SLC44A5: variants seen among roughly 807,000 people sequenced by gnomAD.
SLC44A5 encodes the protein choline transporter-like protein 5.
SLC44A5 carries 57 observed loss-of-function variants against 101.8 expected under a neutral mutation model. The observed-to-expected ratio is 0.56, with a 90% CI of 0.45 to 0.70. SLC44A5 has a LOEUF of 0.70. Ranked by LOEUF, SLC44A5 falls within the 30% of genes least tolerant of loss-of-function variation. The probability of loss-of-function intolerance (pLI) is 0.00; values close to 1 mark genes in which losing one functional copy is unlikely to be tolerated. For synonymous variants in SLC44A5, 281 were observed against 290.9 expected, an observed-to-expected ratio of 0.97 and a Z score of 0.35; for missense variants, 737 against 853.1, an observed-to-expected ratio of 0.86 and a Z score of 1.70.
chr1:75,208,438 C>A (rs1339679840), intron 23 of SLC44A5, among the ~76,000 whole-genome samples: 1 of 152,052 alleles, frequency 6.6e-6, no homozygotes. Context: ...GGATTACAGG[C>A]GTGAGCCACC....
chr1:75,378,054 T>C (rs1324593738), intron 3 of SLC44A5, among the ~76,000 whole-genome samples: 1 of 78,988 alleles, frequency 1.3e-5, no homozygotes, highest in Non-Finnish European at 2.2e-5. Context: ...CACCCCTACA[T>C]CTGGTGCCCA....
chr1:75,504,726 C>T (rs1295776977), intron 2 of SLC44A5, among the ~76,000 whole-genome samples: 3 of 152,110 alleles, frequency 2.0e-5, no homozygotes, highest in Non-Finnish European at 2.9e-5. Flanking sequence ...CATTAAAGTT[C>T]TAAATTAGGG....
intron 8 of SLC44A5, 111 bp from the exon 9 acceptor site, chr1:75,242,172 C>T (rs1648692479): frequency 1.5e-6 from 1 of 686,392 alleles, no homozygotes; most frequent in Admixed American, 2.6e-5. Context: ...CTCCTTATTT[C>T]AAATTACTTC....
chr1:75,263,293 A>G (rs1301887670), intron 6 of SLC44A5, among the ~76,000 whole-genome samples: 2 of 152,218 alleles, frequency 1.3e-5, no homozygotes, highest in African/African-American at 2.4e-5. Context: ...AGATAAAAAC[A>G]AACAACACCA....
intron 3 of SLC44A5, among the ~76,000 whole-genome samples, chr1:75,383,383 T>C (rs1363507791): frequency 6.6e-6 from 1 of 150,940 alleles, no homozygotes; most frequent in Non-Finnish European, 1.5e-5. Flanking sequence ...TGTCTCTGTG[T>C]CTTTTTCTTT....
chr1:75,642,111 A>G, the SLC44A5 span: 1 of 1,100,970 alleles, frequency 9.1e-7, no homozygotes, highest in Non-Finnish European at 1.3e-6. Context: ...TGATGTAGAT[A>G]TAATTGAAGT....
chr1:75,681,762 A>G, the SLC44A5 span, among the ~76,000 whole-genome samples: 1 of 150,650 alleles, frequency 6.6e-6, no homozygotes, highest in African/African-American at 2.4e-5. Flanking sequence ...GGCCAGGGCA[A>G]TTAGGCAGGA....
chr1:75,678,799 C>T, the SLC44A5 span, among the ~76,000 whole-genome samples: 59 of 152,032 alleles, frequency 3.9e-4, no homozygotes, highest in South Asian at 1.9e-3. Flanking sequence ...AGGCTTCAGA[C>T]GATCAAATTA....
intron 2 of SLC44A5, among the ~76,000 whole-genome samples, chr1:75,411,997 A>G (rs1663310905): frequency 6.6e-6 from 1 of 152,172 alleles, no homozygotes; most frequent in Non-Finnish European, 1.5e-5. Flanking sequence ...CTTGAACTCC[A>G]AATGAGTTGA....
chr1:75,547,037 A>G (rs1671686603), intron 1 of SLC44A5, among the ~76,000 whole-genome samples: 1 of 152,138 alleles, frequency 6.6e-6, no homozygotes, highest in Non-Finnish European at 1.5e-5. Flanking sequence ...TAATGAAATC[A>G]TTCATGTTTT....
chr1:75,389,059 C>T (rs1046902089), intron 3 of SLC44A5, among the ~76,000 whole-genome samples: 11 of 151,866 alleles, frequency 7.2e-5, no homozygotes, highest in African/African-American at 2.4e-4. Context: ...AGGATTTAAA[C>T]TCACAACAGA....
chr1:75,581,076 A>T (rs984364211), intron 1 of SLC44A5, among the ~76,000 whole-genome samples: 4 of 152,244 alleles, frequency 2.6e-5, no homozygotes, highest in Non-Finnish European at 1.5e-5. Context: ...AAAACAAATT[A>T]TGTTACTCCA....
chr1:75,414,499 A>G (rs1362111349), intron 2 of SLC44A5, among the ~76,000 whole-genome samples: 1 of 152,222 alleles, frequency 6.6e-6, no homozygotes, highest in Non-Finnish European at 1.5e-5. Context: ...AGAGAGACAT[A>G]GGCTCTGCTC....
chr1:75,460,347 A>G (rs553447477), intron 2 of SLC44A5, among the ~76,000 whole-genome samples: 1 of 152,346 alleles, frequency 6.6e-6, no homozygotes, highest in South Asian at 2.1e-4. Context: ...CAGTACAGAA[A>G]CTATGTGATT....
At chr1:75,460,053 C>T (rs567179330) in intron 2 of SLC44A5, among the ~76,000 whole-genome samples, 10 of 152,020 alleles carry the variant, frequency 6.6e-5, no homozygotes, top group African/African-American at 2.4e-4. Context: ...AGAGTAAGGG[C>T]GACTATATTA....
chr1:75,539,888 A>G (rs1671257709), intron 2 of SLC44A5, among the ~76,000 whole-genome samples: 2 of 152,224 alleles, frequency 1.3e-5, no homozygotes, highest in African/African-American at 2.4e-5. Flanking sequence ...CAATATTCAG[A>G]AAAAAAGAGA....
At chr1:75,651,906 C>G in the SLC44A5 span, among the ~76,000 whole-genome samples, 267 of 152,094 alleles carry the variant, frequency 1.8e-3, 1 homozygote, top group African/African-American at 5.9e-3. Context: ...AACTATCTCT[C>G]TAAAATAATA....
At chr1:75,482,073 T>C (rs1278852116) in intron 2 of SLC44A5, among the ~76,000 whole-genome samples, 3 of 152,066 alleles carry the variant, frequency 2.0e-5, no homozygotes, top group Non-Finnish European at 4.4e-5. Flanking sequence ...ATATACACCA[T>C]GGAATACTAT....
intron 3 of SLC44A5, among the ~76,000 whole-genome samples, chr1:75,367,882 G>C (rs1452452519): frequency 6.6e-6 from 1 of 152,180 alleles, no homozygotes; most frequent in Non-Finnish European, 1.5e-5. Flanking sequence ...ATAAATGGCT[G>C]AGAAATTATT....
Sources: gnomAD v4.1 joint callset for allele counts (sites outside exome capture counted in the v4.1 genomes callset) on GRCh38, gnomAD v4.1.1 for gene constraint, MANE v1.5 for transcripts, NCBI Gene and HGNC (gene_info 2026-07-23, HGNC 2026-07-21) for gene names.